The following GABRG3 variants were observed in gnomAD, a reference collection of about 807,000 sequenced individuals.
The protein encoded by GABRG3 is gamma-aminobutyric acid type A receptor subunit gamma3.
GABRG3 carries 25 observed loss-of-function variants against 48.8 expected under a neutral mutation model. The ratio of observed to expected loss-of-function variants is 0.51; its 90% CI spans 0.37 to 0.72. The LOEUF is 0.72. Among genes scored for constraint, GABRG3 ranks in the 30% least tolerant of loss-of-function variants. The pLI is 0.00. For synonymous variants in GABRG3, 227 were observed against 217.6 expected (o/e 1.04, Z -0.38); for missense variants, 394 against 577.9 (o/e 0.68, Z 3.26).
At chr15:27,136,708 T>C (rs538137415) in intron 3 of GABRG3, among the ~76,000 whole-genome samples, 1 of 152,276 alleles carries the variant, frequency 6.6e-6, no homozygotes, top group East Asian at 1.9e-4. Flanking sequence ...TTGGATATAG[T>C]ATTCTAAATT....
At chr15:27,078,751 TA>T (rs1419507747) in intron 3 of GABRG3, among the ~76,000 whole-genome samples, 1 of 152,182 alleles carries the variant, frequency 6.6e-6, no homozygotes, top group Non-Finnish European at 1.5e-5. Context: ...AGGACCATAT[TA>T]AGGGCTCAGT....
chr15:27,322,237 ATAGCCTC>A (rs1893452213), intron 3 of GABRG3, among the ~76,000 whole-genome samples: 1 of 152,236 alleles, frequency 6.6e-6, no homozygotes, highest in African/African-American at 2.4e-5. Flanking sequence ...CACACCATGC[ATAGCCTC>A]ACTCTGTCTT....
intron 3 of GABRG3, among the ~76,000 whole-genome samples, chr15:27,280,755 T>G (rs2140479342): frequency 6.6e-6 from 1 of 152,312 alleles, no homozygotes; most frequent in South Asian, 2.1e-4. Context: ...AGGATACGGT[T>G]TATGTGGGTA....
chr15:27,158,983 A>G (rs1225693328), intron 3 of GABRG3, among the ~76,000 whole-genome samples: 1 of 152,186 alleles, frequency 6.6e-6, no homozygotes, highest in Non-Finnish European at 1.5e-5. Flanking sequence ...CATCAGCCAC[A>G]GGCCATTGTA....
rs1479540359 is a variant in GABRG3 at position 26,975,948 on chromosome 15, A to G, written c.54-1054A>G. Reference sequence around the variant, plus strand: ...TTCACATGCTTTCTTGCTGGGGTCAATGGTAGTCTGCCTGGAAATGCTGCT... The same window carrying G: ...TTCACATGCTTTCTTGCTGGGGTCAGTGGTAGTCTGCCTGGAAATGCTGCT... On this transcript the variant is annotated intron_variant, in intron 1 of 9. Transcript: ENST00000615808. The surrounding 1 kb of genome is among the most constrained non-coding windows in gnomAD (Gnocchi z 4.6). Among the ~76,000 whole-genome samples the G allele has an allele frequency of 4.6e-5, 7 of 152,184 alleles. No homozygotes were observed. The highest frequency in any genetic ancestry group is 1.0e-4 in the Non-Finnish European group (7 of 68,030).
At chr15:27,418,974 G>A (rs749176889) in intron 5 of GABRG3, 2 of 152,238 alleles carry the variant, frequency 1.3e-5, no homozygotes, top group Admixed American at 6.5e-5. Context: ...TGGGTGGACC[G>A]CGGCAGGAGA....
chr15:27,527,895 T>C, intron 8 of GABRG3, 38 bp from the exon 9 acceptor site: 1 of 1,476,704 alleles, frequency 6.8e-7, no homozygotes, highest in Non-Finnish European at 9.3e-7. Flanking sequence ...CAAATGTTCA[T>C]GACAGTTTCC....
intron 5 of GABRG3, among the ~76,000 whole-genome samples, chr15:27,431,037 A>AAATC (rs1555381414): frequency 4.1e-4 from 60 of 147,518 alleles, no homozygotes; most frequent in Non-Finnish European, 4.8e-4. Context: ...ATAAATAAAT[A>AAATC]AATCAGTAGT....
Position 27,541,438 on chromosome 15 carries a change from A to G in GABRG3, c.*8557A>G, listed in dbSNP as rs1162263301. On this transcript the variant is annotated 3_prime_UTR_variant, in exon 10 of 10. Coordinates refer to ENST00000615808, the MANE Select transcript of GABRG3 (RefSeq NM_033223.5). ...GGTCCTGGGAGATGGCCCAGGCAGG[A>G]AGGGAAGGAGAGAGGCGCGGACTGC... The G allele has an allele frequency of 2.6e-5, 4 of 152,394 alleles. No individual in the cohort carries two copies. In the East Asian group the frequency reaches 7.7e-4, roughly 29 times the overall value. 9.4% of individuals were successfully genotyped at this position (152,394 alleles called of 1,614,324 possible). A position where few individuals can be genotyped will look rare whatever the true frequency, so the allele number is the denominator to read the frequency against.
intron 3 of GABRG3, among the ~76,000 whole-genome samples, chr15:27,096,862 A>T: frequency 7.8e-6 from 1 of 128,390 alleles, no homozygotes; most frequent in Non-Finnish European, 1.6e-5. Flanking sequence ...TTTTTGGGAG[A>T]ATGTGTCTCA....
intron 3 of GABRG3, among the ~76,000 whole-genome samples, chr15:27,053,707 G>T (rs1219376106): frequency 2.0e-5 from 3 of 152,088 alleles, no homozygotes; most frequent in Admixed American, 6.5e-5. Flanking sequence ...CAATAGCAAA[G>T]ACATGGAATG....
chr15:27,004,791 C>T (rs1053988011), intron 2 of GABRG3, among the ~76,000 whole-genome samples: 10 of 152,196 alleles, frequency 6.6e-5, no homozygotes, highest in South Asian at 4.1e-4. Context: ...TACCTGCATT[C>T]GACATTTGTA....
rs542199646 is a variant in GABRG3, at chr15:27,508,647, G to A, written c.713-11325G>A. On this transcript the variant is annotated intron_variant, in intron 6 of 9. Coordinates refer to ENST00000615808, the MANE Select transcript of GABRG3 (RefSeq NM_033223.5). ...CTGAAGAACTTCCTTTCCATTTCTCGTTGATTAGATCTTCTGCCAATGAAT... is the reference window on the plus strand; with the variant it reads ...CTGAAGAACTTCCTTTCCATTTCTCATTGATTAGATCTTCTGCCAATGAAT... 1.8e-4 allele frequency among the ~76,000 whole-genome samples: 28 copies of A among 151,854 alleles called. No individual in the cohort carries two copies. In the South Asian group the frequency reaches 2.7e-3, roughly 15 times the overall value.
chr15:27,198,026 C>A (rs930722701), intron 3 of GABRG3, among the ~76,000 whole-genome samples: 1 of 152,158 alleles, frequency 6.6e-6, no homozygotes, highest in African/African-American at 2.4e-5. Context: ...AGCGGTCTAT[C>A]TATTTTGTCA....
intron 3 of GABRG3, among the ~76,000 whole-genome samples, chr15:27,079,083 A>G (rs1353264213): frequency 6.6e-6 from 1 of 152,160 alleles, no homozygotes; most frequent in Non-Finnish European, 1.5e-5. Flanking sequence ...GACAGAAGGC[A>G]TAGAACCGTT....
At chr15:27,397,364 T>C (rs567174359) in intron 5 of GABRG3, among the ~76,000 whole-genome samples, 29 of 152,336 alleles carry the variant, frequency 1.9e-4, no homozygotes, top group African/African-American at 6.5e-4. Flanking sequence ...TGTTATTTGA[T>C]CTAGAACTTG....
At chr15:27,043,245 C>T (rs574216301) in intron 3 of GABRG3, among the ~76,000 whole-genome samples, 4 of 152,134 alleles carry the variant, frequency 2.6e-5, no homozygotes, top group East Asian at 1.9e-4. Context: ...CCACATTCCC[C>T]GACTGTTGCT....
At chr15:27,387,286 T>C (rs1895952094) in intron 5 of GABRG3, among the ~76,000 whole-genome samples, 1 of 152,134 alleles carries the variant, frequency 6.6e-6, no homozygotes, top group South Asian at 2.1e-4. Flanking sequence ...CATTCTGTAT[T>C]GTATTCTGGA....
Position 27,457,212 on chromosome 15 carries a change from G to T in GABRG3, c.575-23438G>T, listed in dbSNP as rs978722150. Among the ~76,000 whole-genome samples, 5 of 152,184 alleles carry T rather than the reference G, an allele frequency of 3.3e-5. No individual in the cohort carries two copies. The highest frequency in any genetic ancestry group is 1.2e-4 in the African/African-American group (5 of 41,440). ...GAGTGACTGCAAGGCTGCAAGAACT[G>T]CCCACGCTCCGACAGATGTACAGTG... On this transcript the variant is annotated intron_variant, in intron 5 of 9. Transcript: ENST00000615808. The surrounding 1 kb of genome is among the most constrained non-coding windows in gnomAD (Gnocchi z 4.4).
Sources: gnomAD v4.1 joint callset for allele counts (sites outside exome capture counted in the v4.1 genomes callset) on GRCh38, gnomAD v4.1.1 for gene constraint, Gnocchi (gnomAD v3.1) non-coding constraint, MANE v1.5 for transcripts, NCBI Gene and HGNC (gene_info 2026-07-23, HGNC 2026-07-21) for gene names.